The following RIN2 variants were observed in gnomAD, a reference collection of about 807,000 sequenced individuals.
RIN2 encodes the protein RAB5 interacting protein 2.
Under a neutral mutation model 78.0 loss-of-function variants are expected in RIN2, and 36 were observed. The observed-to-expected ratio is 0.46, with a 90% CI of 0.35 to 0.61. The LOEUF (loss-of-function observed/expected upper bound fraction) is 0.61. Ranked by LOEUF, RIN2 falls within the 20% of genes least tolerant of loss-of-function variation. The pLI, the probability that RIN2 is intolerant of heterozygous loss-of-function variation, is 0.00. For missense variants in RIN2, 1,087 were observed against 1,159.7 expected (o/e 0.94, Z 0.91); for synonymous variants, 466 against 466.8 (o/e 1.00, Z 0.02).
At chr20:19,852,310 T>C (rs2037008072) in intron 2 of RIN2, among the ~76,000 whole-genome samples, 1 of 152,138 alleles carries the variant, frequency 6.6e-6, no homozygotes, top group Non-Finnish European at 1.5e-5. Context: ...TGATGAAGGC[T>C]CCAGATGGAC....
intron 12 of RIN2, among the ~76,000 whole-genome samples, chr20:19,999,416 G>A (rs1380821765): frequency 2.6e-5 from 4 of 152,192 alleles, no homozygotes; most frequent in African/African-American, 9.7e-5. Flanking sequence ...AGAGCTCACT[G>A]TCCTTCCCAA....
In RIN2 at chr20:19,975,281, G is replaced by T. The variant is rs758422755; in HGVS notation, c.1256G>T (p.Arg419Leu). 12 of 1,597,496 alleles carry T rather than the reference G, an allele frequency of 7.5e-6. No individual in the cohort carries two copies. Among genetic ancestry groups the T allele is most frequent in the Non-Finnish European group, 1.0e-5 (12 of 1,172,440 alleles). The change falls in exon 9 of 13, where the codon CGG (arginine) becomes CTG (leucine). Residue 419 changes from arginine (R) to leucine (L), a missense_variant. Physicochemically the swap from Arg to Leu is moderately radical, Grantham distance 102. Transcript: ENST00000255006. This position sits in a 1 kb window ranked among gnomAD's most constrained non-coding sequence, Gnocchi z 4.9. ...TRAPPPSSESRPPCHGGRQRL... is the reference protein window; with the variant it reads ...TRAPPPSSESLPPCHGGRQRL... ...GCCCCGCCGCCCAGCTCTGAATCAC[G>T]GCCCCCGTGCCATGGAGGCCGGCAG...
chr20:19,850,334 T>A (rs2036920531), intron 2 of RIN2, among the ~76,000 whole-genome samples: 1 of 152,192 alleles, frequency 6.6e-6, no homozygotes, highest in African/African-American at 2.4e-5. Context: ...TAGCACAGTC[T>A]GCAGCTCCTC....
chr20:19,844,903 G>A (rs572580708), intron 2 of RIN2, among the ~76,000 whole-genome samples: 1 of 151,842 alleles, frequency 6.6e-6, no homozygotes, highest in Non-Finnish European at 1.5e-5. Context: ...CCCCCAACAG[G>A]CCCCAGTGTG....
chr20:19,856,850 C>T (rs549661499), intron 2 of RIN2, among the ~76,000 whole-genome samples: 1 of 152,160 alleles, frequency 6.6e-6, no homozygotes, highest in Non-Finnish European at 1.5e-5. Context: ...GATTCCAAAT[C>T]TTGCAACGTG....
chr20:19,864,641 A>G lies in RIN2; in HGVS notation c.-36-24925A>G, dbSNP rs6046380. On this transcript the variant is annotated intron_variant, in intron 2 of 12. Transcript: ENST00000255006. ...ACATATAAGGAGCGTGGGGTTAAAG[A>G]CTTATTAGGAAGGCATCAGCAGGTG... Among the ~76,000 whole-genome samples the G allele has an allele frequency of 8.3e-3, 1,267 of 152,322 alleles. 20 individuals are homozygous for G. The highest frequency in any genetic ancestry group is 0.029 in the African/African-American group (1,200 of 41,582).
chr20:19,813,395 A>C (rs1297072787), intron 2 of RIN2, among the ~76,000 whole-genome samples: 1 of 152,236 alleles, frequency 6.6e-6, no homozygotes, highest in Admixed American at 6.5e-5. Flanking sequence ...AGTGAGCATC[A>C]ACTATTCATT....
chr20:19,762,955 G>C (rs1401252934), intron 1 of RIN2, among the ~76,000 whole-genome samples: 3 of 151,906 alleles, frequency 2.0e-5, no homozygotes, highest in Non-Finnish European at 4.4e-5. Context: ...AGTAGAGATG[G>C]GGTTTCATGA....
chr20:19,857,434 A>G lies in RIN2; in HGVS notation c.-36-32132A>G, dbSNP rs75733764. 4.6e-4 allele frequency among the ~76,000 whole-genome samples: 70 copies of G among 152,316 alleles called. No homozygotes were observed. In the East Asian group the frequency reaches 8.1e-3, roughly 18 times the overall value. On this transcript the variant is annotated intron_variant, in intron 2 of 12. Coordinates refer to ENST00000255006, the MANE Select transcript of RIN2 (RefSeq NM_018993.4). Reference sequence around the variant, plus strand: ...CTGGACTATAATGAATAAAGCTGCAATGAACATTTCTGTACGTGTATCTTT... The same window carrying G: ...CTGGACTATAATGAATAAAGCTGCAGTGAACATTTCTGTACGTGTATCTTT...
intron 3 of RIN2, among the ~76,000 whole-genome samples, chr20:19,929,002 T>C (rs1329423612): frequency 6.6e-6 from 1 of 152,216 alleles, no homozygotes; most frequent in Non-Finnish European, 1.5e-5. Flanking sequence ...TCTTTGTCAC[T>C]GCTTGTGGGA....
chr20:19,866,351 G>C (rs1026314623), intron 2 of RIN2, among the ~76,000 whole-genome samples: 1 of 152,230 alleles, frequency 6.6e-6, no homozygotes, highest in Non-Finnish European at 1.5e-5. Context: ...GTGCAGTCTT[G>C]GGGGGTGGGG....
chr20:19,973,049 T>C (rs991618638), intron 8 of RIN2, among the ~76,000 whole-genome samples: 1 of 152,262 alleles, frequency 6.6e-6, no homozygotes, highest in Non-Finnish European at 1.5e-5. Context: ...ACTTACAGCA[T>C]ATCTCAAACT....
At chr20:19,955,199 T>A (rs2041485331) in intron 4 of RIN2, among the ~76,000 whole-genome samples, 1 of 152,174 alleles carries the variant, frequency 6.6e-6, no homozygotes, top group Non-Finnish European at 1.5e-5. Context: ...GTAAATCGAG[T>A]CATTCAGTAT....
intron 8 of RIN2, 91 bp from the exon 9 acceptor site, chr20:19,974,563 G>A (rs999806712): frequency 1.0e-4 from 134 of 1,290,306 alleles, no homozygotes; most frequent in Admixed American, 1.7e-4. Context: ...CAAGACTCGC[G>A]TTGTCATGCA....
intron 2 of RIN2, among the ~76,000 whole-genome samples, chr20:19,857,386 T>C (rs528945799): frequency 1.4e-4 from 22 of 152,210 alleles, no homozygotes; most frequent in Non-Finnish European, 2.6e-4. Flanking sequence ...TTCATATTGA[T>C]GGATATTTAA....
At chr20:19,934,490 A>T in intron 3 of RIN2, 1 of 983,028 alleles carries the variant, frequency 1.0e-6, no homozygotes, top group Non-Finnish European at 1.2e-6. Flanking sequence ...CCTGGGGCCC[A>T]CTCCCCTCCT....
At chr20:19,974,452 A>G (rs2042201723) in intron 8 of RIN2, among the ~76,000 whole-genome samples, 2 of 152,202 alleles carry the variant, frequency 1.3e-5, no homozygotes, top group East Asian at 3.9e-4. Flanking sequence ...AGACCCCTGG[A>G]GCCTTCCTGT....
Position 19,992,254 on chromosome 20 carries a change from G to A in RIN2, c.2155G>A (p.Glu719Lys), listed in dbSNP as rs751406434. The A allele has an allele frequency of 6.3e-7, 1 of 1,594,622 alleles. No homozygotes were observed. Among genetic ancestry groups the A allele is most frequent in the Non-Finnish European group, 8.5e-7 (1 of 1,169,766 alleles). Residue 719 changes from glutamate to lysine, a missense_variant, in exon 11 of 13, where the codon GAG (glutamate) becomes AAG (lysine). Glu to Lys is a moderately conservative substitution (Grantham distance 56). Around this residue, in one of 8 missense-constraint regions of RIN2, gnomAD observed 45 missense variants for 88.1 expected, o/e 0.51. Transcript: ENST00000255006. ...CATGCTTGAATTGGACACTGAAATC[G>A]AGTACATGATGGAGCTCCTAGACCC... ...CDMLELDTEI[E>K]YMMELLDPSL...
At chr20:19,811,303 G>T (rs1304496482) in intron 2 of RIN2, among the ~76,000 whole-genome samples, 1 of 152,138 alleles carries the variant, frequency 6.6e-6, no homozygotes, top group African/African-American at 2.4e-5. Flanking sequence ...CGAGGTGCTG[G>T]AGACCTCACC....
Sources: gnomAD v4.1 joint callset for allele counts (sites outside exome capture counted in the v4.1 genomes callset) on GRCh38, gnomAD v4.1.1 for gene constraint, gnomAD v4.1.1 regional missense constraint, Gnocchi (gnomAD v3.1) non-coding constraint, MANE v1.5 for transcripts, NCBI Gene and HGNC (gene_info 2026-07-23, HGNC 2026-07-21) for gene names.